Variants in KCNB2 observed in about 807,000 individuals in gnomAD.
KCNB2 encodes delayed rectifier potassium channel protein.
Under a neutral mutation model 61.5 loss-of-function variants are expected in KCNB2, and 15 were observed. That is an observed-to-expected ratio of 0.24 (90% CI 0.16 to 0.38). KCNB2 has a LOEUF of 0.38. Ranked by LOEUF, KCNB2 falls within the 10% of genes least tolerant of loss-of-function variation. The pLI, the probability that KCNB2 is intolerant of heterozygous loss-of-function variation, is 1.00. For missense variants in KCNB2, 828 were observed against 1,125.2 expected, an observed-to-expected ratio of 0.74 and a Z score of 3.78; for synonymous variants, 457 against 446.0, an observed-to-expected ratio of 1.02 and a Z score of -0.31.
chr8:72,832,586 G>T (rs1363321766), intron 2 of KCNB2, among the ~76,000 whole-genome samples: 1 of 152,164 alleles, frequency 6.6e-6, no homozygotes, highest in South Asian at 2.1e-4. Flanking sequence ...TACATTATTT[G>T]TAAGTGTCAA....
chr8:72,662,746 G>C (rs564508055), intron 2 of KCNB2, among the ~76,000 whole-genome samples: 1 of 152,286 alleles, frequency 6.6e-6, no homozygotes, highest in East Asian at 1.9e-4. Context: ...GCCTTGAATA[G>C]CAAGGGGAGT....
chr8:72,849,265 A>G (rs1324267798), intron 2 of KCNB2, among the ~76,000 whole-genome samples: 1 of 151,950 alleles, frequency 6.6e-6, no homozygotes, highest in East Asian at 1.9e-4. Flanking sequence ...TGCTGTTTCA[A>G]TAGATAAAAT....
At chr8:72,622,330 G>A (rs1805725932) in intron 2 of KCNB2, among the ~76,000 whole-genome samples, 1 of 152,190 alleles carries the variant, frequency 6.6e-6, no homozygotes, top group Admixed American at 6.5e-5. Flanking sequence ...CATCTACACA[G>A]TCTTTCACTG....
At chr8:72,561,709 A>G (rs1315657126) in intron 1 of KCNB2, among the ~76,000 whole-genome samples, 360 of 21,680 alleles carry the variant, frequency 0.017, 23 homozygotes, top group East Asian at 0.029. Context: ...ATATATATAT[A>G]TATATATATA....
At chr8:72,604,260 C>A (rs888614835) in intron 2 of KCNB2, among the ~76,000 whole-genome samples, 1 of 152,192 alleles carries the variant, frequency 6.6e-6, no homozygotes, top group African/African-American at 2.4e-5. Flanking sequence ...AACCTATACA[C>A]AATGAATGCT....
chr8:72,586,204 A>G (rs1806998405), intron 2 of KCNB2, among the ~76,000 whole-genome samples: 1 of 152,226 alleles, frequency 6.6e-6, no homozygotes, highest in African/African-American at 2.4e-5. Context: ...GAAATCTGTG[A>G]GGCTGGTTAC....
intron 2 of KCNB2, among the ~76,000 whole-genome samples, chr8:72,713,109 G>C (rs1321300487): frequency 2.6e-5 from 4 of 152,270 alleles, no homozygotes; most frequent in Non-Finnish European, 5.9e-5. Context: ...AGCAAGGCTG[G>C]GGGAGGGGCG....
chr8:72,670,056 T>C (rs1045089048), intron 2 of KCNB2, among the ~76,000 whole-genome samples: 1 of 152,200 alleles, frequency 6.6e-6, no homozygotes, highest in Admixed American at 6.5e-5. Flanking sequence ...GTTTTTTCAT[T>C]AGTAGCATAA....
chr8:72,608,195 T>G (rs967905570), intron 2 of KCNB2, among the ~76,000 whole-genome samples: 3 of 152,108 alleles, frequency 2.0e-5, no homozygotes, highest in African/African-American at 7.2e-5. Flanking sequence ...GAGTCTGCTT[T>G]GTGCACATCT....
At chr8:72,763,389 T>C (rs934415146) in intron 2 of KCNB2, among the ~76,000 whole-genome samples, 2 of 152,122 alleles carry the variant, frequency 1.3e-5, no homozygotes, top group Admixed American at 6.6e-5. Context: ...TCAGAACCAC[T>C]GATTTTTTGC....
chr8:72,555,673 A>T (rs116416646), intron 1 of KCNB2, among the ~76,000 whole-genome samples: 4,224 of 151,378 alleles, frequency 0.028, 193 homozygotes, highest in African/African-American at 0.094. Context: ...TTTTGGTTTT[A>T]ATTTGAATGT....
Position 72,936,730 on chromosome 8 carries a change from G to C in KCNB2, c.1375G>C (p.Ala459Pro), listed in dbSNP as rs1296882729. The C allele has an allele frequency of 1.9e-6, 3 of 1,614,038 alleles. No individual in the cohort carries two copies. The highest frequency in any genetic ancestry group is 2.5e-6 in the Non-Finnish European group (3 of 1,180,038). ...TTCTATGAACTTAAAAGATGCCTTC[G>C]CTCGAAGTATGGAACTGATAGATGT... The part of the protein sequence containing the change: ...IVSMNLKDAF[A>P]RSMELIDVAV... Residue 459 changes from alanine to proline, a missense_variant, in exon 3 of 3, where the codon GCT (alanine) becomes CCT (proline). Ala to Pro is a conservative substitution (Grantham distance 27, BLOSUM62 -1). Coordinates refer to ENST00000523207, the MANE Select transcript of KCNB2 (RefSeq NM_004770.3). The surrounding 1 kb of genome is among the most constrained non-coding windows in gnomAD (Gnocchi z 5.6).
At chr8:72,753,989 A>G (rs926013229) in intron 2 of KCNB2, among the ~76,000 whole-genome samples, 10 of 152,132 alleles carry the variant, frequency 6.6e-5, no homozygotes, top group African/African-American at 2.4e-4. Context: ...CCTGCAGTTC[A>G]GGTACTGCCC....
At chr8:72,633,121 C>A (rs1805906356) in intron 2 of KCNB2, among the ~76,000 whole-genome samples, 1 of 152,100 alleles carries the variant, frequency 6.6e-6, no homozygotes, top group Non-Finnish European at 1.5e-5. Context: ...TGCAAAGATC[C>A]TGCTTTCACG....
At chr8:72,642,091 G>A (rs1806065146) in intron 2 of KCNB2, among the ~76,000 whole-genome samples, 2 of 152,092 alleles carry the variant, frequency 1.3e-5, no homozygotes, top group Admixed American at 1.3e-4. Context: ...ACTGATCGAC[G>A]TTGTTCAGTA....
chr8:72,607,771 T>G (rs1805476105), intron 2 of KCNB2, among the ~76,000 whole-genome samples: 1 of 152,174 alleles, frequency 6.6e-6, no homozygotes, highest in Non-Finnish European at 1.5e-5. Context: ...GAGACCCATA[T>G]ATGCACTTAA....
rs530698772 is a variant in KCNB2 at position 72,788,292 on chromosome 8, A to C, written c.580-147643A>C. On this transcript the variant is annotated intron_variant, in intron 2 of 2. Transcript: ENST00000523207. ...GAGGGTGGAAGTCCAAAATCAAGGT[A>C]CCAGCAGGATTGGTTTCTAGTGAAG... 3.9e-5 allele frequency among the ~76,000 whole-genome samples: 6 copies of C among 152,298 alleles called. 1 individual carries two copies. The highest frequency in any genetic ancestry group is 1.4e-4 in the African/African-American group (6 of 41,568).
chr8:72,677,160 G>A (rs1409899823), intron 2 of KCNB2, among the ~76,000 whole-genome samples: 1 of 152,124 alleles, frequency 6.6e-6, no homozygotes, highest in African/African-American at 2.4e-5. Flanking sequence ...CACAAGCCAG[G>A]CAACTACAGG....
intron 2 of KCNB2, among the ~76,000 whole-genome samples, chr8:72,672,536 T>C (rs1806582054): frequency 6.6e-6 from 1 of 152,206 alleles, no homozygotes; most frequent in South Asian, 2.1e-4. Flanking sequence ...TAAATTAAGA[T>C]GTATTTTTAT....
Sources: allele counts gnomAD v4.1 joint callset (sites outside exome capture counted in the v4.1 genomes callset), GRCh38; gene constraint gnomAD v4.1.1; non-coding constraint Gnocchi (gnomAD v3.1); transcripts MANE v1.5; gene names NCBI Gene and HGNC (gene_info 2026-07-23, HGNC 2026-07-21).